The following AKAP6 variants were observed in gnomAD, a reference collection of about 807,000 sequenced individuals.
AKAP6 encodes A-kinase anchor protein 6.
AKAP6 carries 58 observed loss-of-function variants against 188.5 expected under a neutral mutation model. That is an observed-to-expected ratio of 0.31 (90% CI 0.25 to 0.38). The LOEUF (loss-of-function observed/expected upper bound fraction) is 0.38, where lower values mean the gene tolerates loss of function less well. Among genes scored for constraint, AKAP6 ranks in the 10% least tolerant of loss-of-function variants. AKAP6 has a pLI of 1.00. For synonymous variants in AKAP6, 989 were observed against 998.6 expected (o/e 0.99, Z 0.18); for missense variants, 2,710 against 2,740.0 (o/e 0.99, Z 0.24).
chr14:32,569,474 G>A (rs533338799), intron 4 of AKAP6, among the ~76,000 whole-genome samples: 1 of 152,224 alleles, frequency 6.6e-6, no homozygotes, highest in Non-Finnish European at 1.5e-5. Context: ...TATAAGTTAG[G>A]TAGTAGAGTC....
chr14:32,613,762 C>G (rs1886444907), intron 7 of AKAP6, among the ~76,000 whole-genome samples: 3 of 152,070 alleles, frequency 2.0e-5, no homozygotes, highest in Admixed American at 1.3e-4. Context: ...CTTTTTTGAT[C>G]ACACATTGTT....
At chr14:32,383,912 G>A (rs528460528) in intron 1 of AKAP6, among the ~76,000 whole-genome samples, 88 of 152,276 alleles carry the variant, frequency 5.8e-4, no homozygotes, top group Non-Finnish European at 1.2e-3. Flanking sequence ...TTCAAAGTGA[G>A]CATCTTTGAC....
chr14:32,530,032 G>A (rs1286047133), intron 2 of AKAP6, among the ~76,000 whole-genome samples: 1 of 129,698 alleles, frequency 7.7e-6, no homozygotes, highest in Non-Finnish European at 1.6e-5. Flanking sequence ...TTGGAGACAG[G>A]TTCTTGCTTT....
chr14:32,731,300 A>T (rs2031164202), intron 9 of AKAP6, among the ~76,000 whole-genome samples: 1 of 152,156 alleles, frequency 6.6e-6, no homozygotes, highest in Admixed American at 6.6e-5. Context: ...TTTTCCTTTA[A>T]TCTGCTTCCA....
At chr14:32,646,709 C>T (rs1888000396) in intron 7 of AKAP6, among the ~76,000 whole-genome samples, 1 of 152,090 alleles carries the variant, frequency 6.6e-6, no homozygotes, top group Non-Finnish European at 1.5e-5. Flanking sequence ...CTTCATATGT[C>T]TTTCTTTTCT....
At chr14:32,768,101 C>A (rs1014139817) in intron 11 of AKAP6, among the ~76,000 whole-genome samples, 4 of 152,156 alleles carry the variant, frequency 2.6e-5, no homozygotes, top group African/African-American at 9.7e-5. Flanking sequence ...TGCTTATTTG[C>A]TATGAAAATT....
intron 2 of AKAP6, among the ~76,000 whole-genome samples, chr14:32,475,433 T>C (rs1262373839): frequency 6.6e-6 from 1 of 152,180 alleles, no homozygotes; most frequent in Non-Finnish European, 1.5e-5. Flanking sequence ...TTAGTTTTTG[T>C]TGTGGGTTCT....
intron 11 of AKAP6, among the ~76,000 whole-genome samples, chr14:32,742,804 A>G (rs144426284): frequency 6.6e-6 from 1 of 152,240 alleles, no homozygotes; most frequent in African/African-American, 2.4e-5. Context: ...TCTATCCTTG[A>G]GAATGATCCA....
At chr14:32,584,945 A>G (rs1885162856) in intron 5 of AKAP6, among the ~76,000 whole-genome samples, 1 of 152,156 alleles carries the variant, frequency 6.6e-6, no homozygotes, top group Non-Finnish European at 1.5e-5. Context: ...GCCTTAAGAA[A>G]CAGAGTTACT....
At chr14:32,629,110 A>G (rs1347988427) in intron 7 of AKAP6, among the ~76,000 whole-genome samples, 2 of 152,098 alleles carry the variant, frequency 1.3e-5, no homozygotes, top group African/African-American at 2.4e-5. Context: ...TGAGCCAACA[A>G]GGAAGGAGCT....
chr14:32,522,441 T>A (rs1228137309), intron 2 of AKAP6, among the ~76,000 whole-genome samples: 1 of 152,196 alleles, frequency 6.6e-6, no homozygotes, highest in Non-Finnish European at 1.5e-5. Context: ...TCTACCCATC[T>A]GACAAAGGGC....
At chr14:32,754,459 TCATTAC>T (rs907929456) in intron 11 of AKAP6, among the ~76,000 whole-genome samples, 1 of 152,180 alleles carries the variant, frequency 6.6e-6, no homozygotes, top group African/African-American at 2.4e-5. Context: ...TAAAATGTAT[TCATTAC>T]CAAACTATTT....
chr14:32,606,901 A>G (rs1886147740), intron 7 of AKAP6, among the ~76,000 whole-genome samples: 1 of 152,154 alleles, frequency 6.6e-6, no homozygotes. Context: ...TTGGCTGAGA[A>G]TTTACATCTA....
At chr14:32,733,366 G>C (rs2139833543) in intron 10 of AKAP6, 1 of 152,134 alleles carries the variant, frequency 6.6e-6, no homozygotes, top group South Asian at 2.1e-4. Context: ...CTCCTAAATT[G>C]CCTTCACTTC....
chr14:32,608,698 C>T (rs1392077302), intron 7 of AKAP6, among the ~76,000 whole-genome samples: 1 of 152,050 alleles, frequency 6.6e-6, no homozygotes, highest in Non-Finnish European at 1.5e-5. Flanking sequence ...AATGCCTAAT[C>T]TCTGAATCTG....
intron 12 of AKAP6, among the ~76,000 whole-genome samples, chr14:32,802,686 A>G (rs929274418): frequency 6.6e-6 from 1 of 152,250 alleles, no homozygotes; most frequent in Non-Finnish European, 1.5e-5. Flanking sequence ...ATATAAAGAT[A>G]TTCATCATGC....
In AKAP6 at chr14:32,568,018, AAG is replaced by A. The variant is rs574298350; in HGVS notation, c.2347-9099_2347-9098del. Among the ~76,000 whole-genome samples, 21 of 152,244 alleles carry A rather than the reference AAG, an allele frequency of 1.4e-4. No individual in the cohort carries two copies. Among genetic ancestry groups the A allele is most frequent in the Middle Eastern group, 3.4e-3 (1 of 294 alleles). ...GGGCTGGAGAAGAGGAAAGAGAAAAAAGAGGCAAAACAACAATAGTCAAGGAA... is the reference window on the plus strand; with the variant it reads ...GGGCTGGAGAAGAGGAAAGAGAAAAAAGGCAAAACAACAATAGTCAAGGAA... On this transcript the variant is annotated intron_variant, in intron 4 of 13. Transcript: ENST00000280979. This position sits in a 1 kb window ranked among gnomAD's most constrained non-coding sequence, Gnocchi z 6.2.
intron 11 of AKAP6, among the ~76,000 whole-genome samples, chr14:32,754,396 C>T (rs531788054): frequency 2.3e-4 from 35 of 152,168 alleles, no homozygotes; most frequent in Admixed American, 1.7e-3. Flanking sequence ...TTTAACTTCT[C>T]CTCCTCCCCC....
chr14:32,596,890 AT>A (rs1566596134), intron 5 of AKAP6, among the ~76,000 whole-genome samples: 2 of 152,284 alleles, frequency 1.3e-5, no homozygotes, highest in East Asian at 3.9e-4. Context: ...CAGAAATTTC[AT>A]TGACAATTTT....
Sources: gnomAD v4.1 joint callset for allele counts (sites outside exome capture counted in the v4.1 genomes callset) on GRCh38, gnomAD v4.1.1 for gene constraint, Gnocchi (gnomAD v3.1) non-coding constraint, MANE v1.5 for transcripts, NCBI Gene and HGNC (gene_info 2026-07-23, HGNC 2026-07-21) for gene names.